The following ACOXL variants were observed in gnomAD, a reference collection of about 807,000 sequenced individuals.
ACOXL encodes acyl-coenzyme A oxidase-like protein.
A neutral mutation model predicts 71.9 loss-of-function variants in ACOXL; 70 were observed. The ratio of observed to expected loss-of-function variants is 0.97; its 90% confidence interval spans 0.80 to 1.19. The LOEUF (loss-of-function observed/expected upper bound fraction) is 1.19. Ranked by LOEUF, ACOXL falls within the 50% of genes most tolerant of loss-of-function variation. ACOXL has a pLI of 0.00. For synonymous variants in ACOXL, 253 were observed against 281.6 expected, an observed-to-expected ratio of 0.90 and a Z score of 1.02; for missense variants, 703 against 736.3, an observed-to-expected ratio of 0.95 and a Z score of 0.52.
At chr2:110,985,488 A>G (rs555014704) in intron 12 of ACOXL, among the ~76,000 whole-genome samples, 1 of 152,304 alleles carries the variant, frequency 6.6e-6, no homozygotes, top group South Asian at 2.1e-4. Flanking sequence ...AAATATATTT[A>G]TTTAATAACA....
At chr2:111,108,934 T>G (rs902175177) in intron 17 of ACOXL, among the ~76,000 whole-genome samples, 3 of 152,242 alleles carry the variant, frequency 2.0e-5, no homozygotes, top group African/African-American at 7.2e-5. Flanking sequence ...TCTGAGATAT[T>G]TGATGATTCA....
chr2:111,021,439 T>C (rs541836820), intron 14 of ACOXL, among the ~76,000 whole-genome samples: 1 of 152,308 alleles, frequency 6.6e-6, no homozygotes, highest in East Asian at 1.9e-4. Flanking sequence ...CCTGCTGTCT[T>C]GGAATTCTAG....
chr2:111,004,622 A>G (rs2063788421), intron 14 of ACOXL, among the ~76,000 whole-genome samples: 1 of 152,166 alleles, frequency 6.6e-6, no homozygotes, highest in South Asian at 2.1e-4. Context: ...ACTCGTCATT[A>G]CAGTTGCTGC....
chr2:110,875,231 A>C (rs906704000), intron 10 of ACOXL, among the ~76,000 whole-genome samples: 1 of 152,218 alleles, frequency 6.6e-6, no homozygotes, highest in Non-Finnish European at 1.5e-5. Flanking sequence ...TCATAAGTGG[A>C]AACTGCCACC....
intron 12 of ACOXL, among the ~76,000 whole-genome samples, chr2:110,959,684 C>T (rs924224601): frequency 5.9e-5 from 9 of 152,106 alleles, no homozygotes; most frequent in East Asian, 1.9e-4. Flanking sequence ...CCTACCTCCC[C>T]GCCACCCCCT....
chr2:110,755,831 A>G (rs571303044), intron 1 of ACOXL, among the ~76,000 whole-genome samples: 52 of 152,182 alleles, frequency 3.4e-4, no homozygotes, highest in African/African-American at 1.2e-3. Context: ...TTTCCCATCT[A>G]CTGAATTTTC....
At chr2:110,927,548 A>G (rs2060319946) in intron 11 of ACOXL, among the ~76,000 whole-genome samples, 1 of 152,106 alleles carries the variant, frequency 6.6e-6, no homozygotes, top group South Asian at 2.1e-4. Context: ...TTTGAGACCC[A>G]GTTGAGGCTG....
chr2:110,778,747 AG>A (rs1401878540), intron 2 of ACOXL, among the ~76,000 whole-genome samples: 1 of 152,248 alleles, frequency 6.6e-6, no homozygotes, highest in Non-Finnish European at 1.5e-5. Context: ...ATGAATGCTC[AG>A]TGGTAGTACT....
chr2:110,873,104 C>T (rs904694285), intron 10 of ACOXL, among the ~76,000 whole-genome samples: 2 of 152,124 alleles, frequency 1.3e-5, no homozygotes, highest in Non-Finnish European at 2.9e-5. Flanking sequence ...ACACAAAAAC[C>T]CCAGGCGGCC....
chr2:110,828,537 T>G (rs748329106), intron 9 of ACOXL, among the ~76,000 whole-genome samples: 8 of 152,230 alleles, frequency 5.3e-5, no homozygotes, highest in Non-Finnish European at 1.0e-4. Flanking sequence ...TTTTTCTAGA[T>G]TGAATTCCTG....
At position 110,828,816 on chromosome 2, in the gene ACOXL, A is replaced by AT. The variant is rs201819401; in HGVS notation, c.754-12543dup. Among the ~76,000 whole-genome samples, 220 of 145,222 alleles carry AT rather than the reference A, an allele frequency of 1.5e-3. 1 individual carries two copies. Among genetic ancestry groups the AT allele is most frequent in the East Asian group, 0.011 (55 of 5,004 alleles). On this transcript the variant is annotated intron_variant, in intron 9 of 17. Transcript: ENST00000439055. ...AATCACCCACTTGTACTATCTTGCT[A>AT]TTTTTTTTTTTTGAGATGGAGTTTT...
chr2:111,027,624 G>T (rs962594071), intron 14 of ACOXL, among the ~76,000 whole-genome samples: 12 of 151,728 alleles, frequency 7.9e-5, no homozygotes, highest in African/African-American at 2.9e-4. Flanking sequence ...TTGGCCCCTT[G>T]TTTTTTTTAT....
intron 11 of ACOXL, among the ~76,000 whole-genome samples, chr2:110,923,155 A>T (rs1012271843): frequency 6.6e-6 from 1 of 152,128 alleles, no homozygotes; most frequent in South Asian, 2.1e-4. Context: ...CCCAGGAAAA[A>T]GTTGGCACAT....
chr2:110,826,767 T>C (rs552562729), intron 9 of ACOXL, among the ~76,000 whole-genome samples: 32 of 144,002 alleles, frequency 2.2e-4, no homozygotes, highest in Admixed American at 8.7e-4. Flanking sequence ...TTTTTTTTTT[T>C]CCTTTTTTTT....
chr2:110,805,330 G>A lies in ACOXL; in HGVS notation c.688G>A (p.Ala230Thr). 4 of 1,614,226 alleles carry A rather than the reference G, an allele frequency of 2.5e-6. No homozygotes were observed. Among genetic ancestry groups the A allele is most frequent in the Non-Finnish European group, 3.4e-6 (4 of 1,180,040 alleles). The change falls in exon 9 of 18, where the codon GCC becomes ACC. Residue 230 changes from alanine (A) to threonine (T), a missense_variant. Ala to Thr is a moderately conservative substitution (Grantham distance 58, BLOSUM62 0). Coordinates refer to ENST00000439055, the MANE Select transcript of ACOXL (RefSeq NM_001142807.4). ...PIRNKSARFN[A>T]MLAALTPSRL... Reference sequence around the variant, plus strand: ...TAGGAACAAGAGTGCAAGATTCAATGCCATGCTGGCAGCACTGACCCCTTC... The same window carrying A: ...TAGGAACAAGAGTGCAAGATTCAATACCATGCTGGCAGCACTGACCCCTTC...
intron 9 of ACOXL, among the ~76,000 whole-genome samples, chr2:110,840,977 TCTC>T (rs904500804): frequency 1.3e-5 from 2 of 152,072 alleles, no homozygotes; most frequent in African/African-American, 4.8e-5. Flanking sequence ...GTGGGCGTGT[TCTC>T]CTAATGCCAA....
chr2:110,950,546 C>T (rs1167889265), intron 12 of ACOXL, among the ~76,000 whole-genome samples: 1 of 152,052 alleles, frequency 6.6e-6, no homozygotes, highest in African/African-American at 2.4e-5. Flanking sequence ...GGCCAATTTG[C>T]CAAATTTTGA....
intron 15 of ACOXL, among the ~76,000 whole-genome samples, chr2:111,038,706 T>C (rs1202423181): frequency 6.6e-6 from 1 of 152,246 alleles, no homozygotes; most frequent in Non-Finnish European, 1.5e-5. Context: ...TGATTTATCA[T>C]ACACACTCTA....
At chr2:110,948,638 G>A (rs1270254819) in intron 12 of ACOXL, among the ~76,000 whole-genome samples, 3 of 149,102 alleles carry the variant, frequency 2.0e-5, no homozygotes, top group African/African-American at 7.4e-5. Flanking sequence ...GAAGGGCAGA[G>A]GGATTGTGAA....
Sources: gnomAD v4.1 joint callset for allele counts (sites outside exome capture counted in the v4.1 genomes callset) on GRCh38, gnomAD v4.1.1 for gene constraint, MANE v1.5 for transcripts, NCBI Gene and HGNC (gene_info 2026-07-23, HGNC 2026-07-21) for gene names.